Variants in GALNTL6 observed in about 807,000 individuals in gnomAD.
The protein encoded by GALNTL6 is polypeptide N-acetylgalactosaminyltransferase-like 6.
In GALNTL6, 46 loss-of-function variants were observed where a neutral mutation model predicts 73.7. The observed-to-expected ratio is 0.62, with a 90% CI of 0.49 to 0.80. The LOEUF (loss-of-function observed/expected upper bound fraction) is 0.80, where lower values mean the gene tolerates loss of function less well. Among genes scored for constraint, GALNTL6 ranks in the 30% least tolerant of loss-of-function variants. GALNTL6 has a pLI of 0.00. For missense variants in GALNTL6, 604 were observed against 755.0 expected (o/e 0.80, Z 2.34); for synonymous variants, 259 against 263.7 (o/e 0.98, Z 0.17).
intron 2 of GALNTL6, among the ~76,000 whole-genome samples, chr4:172,033,082 C>T (rs946296004): frequency 5.3e-5 from 8 of 151,820 alleles, no homozygotes; most frequent in Non-Finnish European, 8.8e-5. Context: ...AAAAAAGTTG[C>T]TTCAGTCCCC....
chr4:172,246,544 G>T (rs1056074650), intron 3 of GALNTL6, among the ~76,000 whole-genome samples: 4 of 151,794 alleles, frequency 2.6e-5, no homozygotes, highest in African/African-American at 9.7e-5. Flanking sequence ...TAAACCTTCT[G>T]ACAAATACAT....
chr4:172,574,802 T>G (rs1383250882), intron 5 of GALNTL6, among the ~76,000 whole-genome samples: 2 of 152,134 alleles, frequency 1.3e-5, no homozygotes, highest in African/African-American at 2.4e-5. Context: ...CCTTTGAATT[T>G]TATCTAAAAT....
intron 5 of GALNTL6, among the ~76,000 whole-genome samples, chr4:172,606,601 T>TACATATATAGTATATATATAC (rs1738286579): frequency 1.9e-5 from 2 of 106,124 alleles, no homozygotes; most frequent in Admixed American, 1.0e-4. Context: ...TACACATATA[T>TACATATATAGTATATATATAC]ACATATATAC....
At chr4:172,374,283 G>A (rs148624309) in intron 5 of GALNTL6, among the ~76,000 whole-genome samples, 3,186 of 140,710 alleles carry the variant, frequency 0.023, 102 homozygotes, top group African/African-American at 0.078. Flanking sequence ...CTCTGATCTC[G>A]CTTTTCCTTT....
Position 172,482,268 on chromosome 4 carries a change from C to G in GALNTL6, c.553+133579C>G, listed in dbSNP as rs546682888. 2.6e-5 allele frequency among the ~76,000 whole-genome samples: 4 copies of G among 152,220 alleles called. No individual in the cohort carries two copies. The East Asian group carries it at 7.7e-4, about 29-fold the overall frequency. On this transcript the variant is annotated intron_variant, in intron 5 of 12. Coordinates refer to ENST00000506823, the MANE Select transcript of GALNTL6 (RefSeq NM_001034845.3). ...CTGCGCCTCTCCCTCCACACCTCCC[C>G]GCAAGCAGAGGGAGCTGGCTCCAGC...
intron 11 of GALNTL6, among the ~76,000 whole-genome samples, chr4:173,014,640 C>T (rs940717642): frequency 6.6e-6 from 1 of 152,128 alleles, no homozygotes; most frequent in Non-Finnish European, 1.5e-5. Flanking sequence ...GTGCAAACTG[C>T]AAGGAGAAAC....
intron 10 of GALNTL6, among the ~76,000 whole-genome samples, chr4:172,968,960 AG>A (rs1460128434): frequency 1.3e-5 from 2 of 152,236 alleles, no homozygotes; most frequent in Non-Finnish European, 2.9e-5. Context: ...AATCAAATAT[AG>A]TTCCAACACA....
chr4:172,152,445 T>C (rs548161351), intron 2 of GALNTL6, among the ~76,000 whole-genome samples: 70 of 152,344 alleles, frequency 4.6e-4, no homozygotes, highest in Non-Finnish European at 9.1e-4. Flanking sequence ...GGTGATTGCA[T>C]AGCTGTCATG....
chr4:173,037,362 G>A (rs1340535038), intron 12 of GALNTL6, among the ~76,000 whole-genome samples: 1 of 152,192 alleles, frequency 6.6e-6, no homozygotes, highest in Non-Finnish European at 1.5e-5. Flanking sequence ...AAGCTTCTCA[G>A]ACATAGACAG....
At chr4:172,832,121 A>G (rs540453600) in intron 7 of GALNTL6, among the ~76,000 whole-genome samples, 9 of 152,262 alleles carry the variant, frequency 5.9e-5, no homozygotes, top group Non-Finnish European at 1.2e-4. Context: ...CATCTTGAGG[A>G]AATTGCTTTA....
intron 5 of GALNTL6, among the ~76,000 whole-genome samples, chr4:172,720,916 G>C (rs1579391948): frequency 6.6e-6 from 1 of 152,092 alleles, no homozygotes; most frequent in Non-Finnish European, 1.5e-5. Flanking sequence ...AATCAGCTTG[G>C]TGCTATACTT....
chr4:172,774,460 T>A (rs1381242612), intron 5 of GALNTL6, among the ~76,000 whole-genome samples: 1 of 152,194 alleles, frequency 6.6e-6, no homozygotes, highest in Non-Finnish European at 1.5e-5. Context: ...AACCCTACAA[T>A]GTGATGATAA....
At chr4:172,059,278 T>C (rs1167138763) in intron 2 of GALNTL6, among the ~76,000 whole-genome samples, 7 of 152,316 alleles carry the variant, frequency 4.6e-5, no homozygotes, top group Middle Eastern at 3.4e-3. Flanking sequence ...CCACCTCTCC[T>C]GGCTTGCTTC....
At position 172,872,046 on chromosome 4, in the gene GALNTL6, G is replaced by A. The variant is rs1415214186; in HGVS notation, c.924-10744G>A. ...GACCTCAGGTGATTCACCCTCCTCGGCCTCTCAAAGTGCTGGGATTACAGG... is the reference window on the plus strand; with the variant it reads ...GACCTCAGGTGATTCACCCTCCTCGACCTCTCAAAGTGCTGGGATTACAGG... On this transcript the variant is annotated intron_variant, in intron 7 of 12. Coordinates refer to ENST00000506823, the MANE Select transcript of GALNTL6 (RefSeq NM_001034845.3). Among the ~76,000 whole-genome samples the A allele has an allele frequency of 2.0e-5, 3 of 152,160 alleles. No homozygotes were observed. The East Asian group carries it at 5.8e-4, about 29-fold the overall frequency.
intron 5 of GALNTL6, among the ~76,000 whole-genome samples, chr4:172,630,352 T>C (rs1739341318): frequency 6.6e-6 from 1 of 152,158 alleles, no homozygotes; most frequent in Non-Finnish European, 1.5e-5. Context: ...AAGGTCATGG[T>C]GTGGAAGGAC....
intron 5 of GALNTL6, among the ~76,000 whole-genome samples, chr4:172,423,504 G>C (rs335965): frequency 0.87 from 131,824 of 151,978 alleles, 57,225 homozygotes; most frequent in South Asian, 0.89. Context: ...GCTATTCCAT[G>C]TATCTGGAAG....
intron 5 of GALNTL6, among the ~76,000 whole-genome samples, chr4:172,481,545 G>A (rs187458783): frequency 2.6e-5 from 4 of 151,350 alleles, no homozygotes; most frequent in Non-Finnish European, 5.9e-5. Context: ...TGATTGGTTC[G>A]TTTTACAGAG....
chr4:172,992,019 A>G (rs1258137432), intron 10 of GALNTL6, among the ~76,000 whole-genome samples: 1 of 152,240 alleles, frequency 6.6e-6, no homozygotes, highest in African/African-American at 2.4e-5. Context: ...TTTTAGTTCT[A>G]TCTTCTCCTT....
At chr4:171,996,083 A>G (rs1480683641) in intron 2 of GALNTL6, among the ~76,000 whole-genome samples, 1 of 152,080 alleles carries the variant, frequency 6.6e-6, no homozygotes, top group East Asian at 1.9e-4. Flanking sequence ...TTGCTTACAT[A>G]AACAGAAATT....
Sources: allele counts gnomAD v4.1 joint callset (sites outside exome capture counted in the v4.1 genomes callset), GRCh38; gene constraint gnomAD v4.1.1; transcripts MANE v1.5; gene names NCBI Gene and HGNC (gene_info 2026-07-23, HGNC 2026-07-21).